The following FGF1 variants were observed in gnomAD, a reference collection of about 807,000 sequenced individuals.
FGF1 encodes beta-endothelial cell growth factor.
In FGF1, 9 loss-of-function variants were observed where a neutral mutation model predicts 13.4. That is an observed-to-expected ratio of 0.67 (90% CI 0.40 to 1.17). The LOEUF (loss-of-function observed/expected upper bound fraction) is 1.17. Among genes scored for constraint, FGF1 ranks in the 50% most tolerant of loss-of-function variants. The pLI, the probability that FGF1 is intolerant of heterozygous loss-of-function variation, is 0.01. For synonymous variants in FGF1, 93 were observed against 79.0 expected, an observed-to-expected ratio of 1.18 and a Z score of -0.94; for missense variants, 156 against 192.7, an observed-to-expected ratio of 0.81 and a Z score of 1.13.
At chr5:142,665,115 G>A (rs1359876151) in intron 1 of FGF1, among the ~76,000 whole-genome samples, 1 of 152,164 alleles carries the variant, frequency 6.6e-6, no homozygotes, top group Admixed American at 6.5e-5. Flanking sequence ...TGAAGTGGAG[G>A]ATTGCTTGAG....
intron 1 of FGF1, among the ~76,000 whole-genome samples, chr5:142,640,452 G>A (rs1008999088): frequency 3.3e-5 from 5 of 149,530 alleles, no homozygotes; most frequent in African/African-American, 9.9e-5. Flanking sequence ...TCTGAGAAGC[G>A]GCATTGGAGC....
chr5:142,696,553 T>C (rs1753142053), intron 2 of FGF1, among the ~76,000 whole-genome samples: 1 of 152,174 alleles, frequency 6.6e-6, no homozygotes, highest in Admixed American at 6.5e-5. Flanking sequence ...TAGTAGGATG[T>C]CAGCTGGGAG....
At chr5:142,648,689 CAAAAAAAA>C (rs11451715) in intron 1 of FGF1, among the ~76,000 whole-genome samples, 2 of 66,228 alleles carry the variant, frequency 3.0e-5, no homozygotes, top group East Asian at 1.1e-3. Context: ...CCCCACCAAC[CAAAAAAAA>C]AAAAAAAAAA....
intron 1 of FGF1, among the ~76,000 whole-genome samples, chr5:142,641,200 A>T (rs1341633965): frequency 6.6e-6 from 1 of 152,036 alleles, no homozygotes; most frequent in African/African-American, 2.4e-5. Context: ...AGATCGGGCA[A>T]TGAGGACTAA....
intron 1 of FGF1, among the ~76,000 whole-genome samples, chr5:142,615,716 C>T (rs971631654): frequency 1.3e-5 from 2 of 152,184 alleles, no homozygotes; most frequent in Non-Finnish European, 2.9e-5. Context: ...CCAAAGCTTA[C>T]AGATGTTCAG....
At chr5:142,686,776 C>T (rs1416029143), upstream of FGF1, among the ~76,000 whole-genome samples, 3 of 152,100 alleles carry the variant, frequency 2.0e-5, no homozygotes, top group Non-Finnish European at 2.9e-5. Context: ...TTGGGACTGG[C>T]GAGGGGCTGC....
chr5:142,643,786 T>C (rs921347702), intron 1 of FGF1, among the ~76,000 whole-genome samples: 1 of 152,256 alleles, frequency 6.6e-6, no homozygotes, highest in African/African-American at 2.4e-5. Context: ...TACATTTGCA[T>C]ACCAGCTCCA....
intron 1 of FGF1, among the ~76,000 whole-genome samples, chr5:142,651,145 C>T (rs1468745637): frequency 1.3e-5 from 2 of 151,952 alleles, no homozygotes; most frequent in South Asian, 2.1e-4. Flanking sequence ...CAGTGATAAC[C>T]CAGGGGCACC....
intron 1 of FGF1, among the ~76,000 whole-genome samples, chr5:142,639,235 C>T (rs1373613682): frequency 6.6e-6 from 1 of 152,000 alleles, no homozygotes; most frequent in African/African-American, 2.4e-5. Context: ...TGCATTGCTA[C>T]ATTATTCACA....
intron 1 of FGF1, among the ~76,000 whole-genome samples, chr5:142,639,225 T>C (rs1407478908): frequency 3.3e-5 from 5 of 152,026 alleles, no homozygotes. Context: ...CACTCCTGTG[T>C]GCATTGCTAC....
chr5:142,666,138 G>A (rs1770271619), intron 1 of FGF1, among the ~76,000 whole-genome samples: 1 of 81,306 alleles, frequency 1.2e-5, no homozygotes, highest in African/African-American at 4.6e-5. Context: ...AGACTTGATT[G>A]AACTTTACCC....
At chr5:142,646,032 C>T (rs1765995255) in intron 1 of FGF1, among the ~76,000 whole-genome samples, 1 of 152,092 alleles carries the variant, frequency 6.6e-6, no homozygotes, top group South Asian at 2.1e-4. Context: ...CCTCAGCTTC[C>T]CAAGTAGCTG....
intron 3 of FGF1, among the ~76,000 whole-genome samples, chr5:142,598,778 C>T (rs1236899052): frequency 6.6e-6 from 1 of 152,172 alleles, no homozygotes; most frequent in Non-Finnish European, 1.5e-5. Context: ...GATCATATTT[C>T]AGGTGAATTG....
chr5:142,629,172 G>C (rs1030163301), intron 1 of FGF1, among the ~76,000 whole-genome samples: 3 of 152,054 alleles, frequency 2.0e-5, no homozygotes, highest in Non-Finnish European at 4.4e-5. Flanking sequence ...ATTTTTCTGT[G>C]TGTAACAGGT....
At chr5:142,625,626 A>G (rs551015976) in intron 1 of FGF1, among the ~76,000 whole-genome samples, 27 of 152,248 alleles carry the variant, frequency 1.8e-4, no homozygotes, top group Non-Finnish European at 2.9e-4. Context: ...CATCCTGAAG[A>G]CCTGCACACA....
Position 142,692,269 on chromosome 5 carries a change from G to A in FGF1, c.-35+5353C>T, listed in dbSNP as rs377448300. Among the ~76,000 whole-genome samples the A allele has an allele frequency of 1.5e-4, 23 of 152,332 alleles. 1 individual carries two copies. In the East Asian group the frequency reaches 2.7e-3, roughly 18 times the overall value. On this transcript the variant is annotated intron_variant, in intron 2 of 4. Coordinates refer to the FGF1 transcript ENST00000407758. Reference sequence around the variant, plus strand: ...AGAGGATTGCTTGAGCCCAGAAGGCGCAGGTTGCAGTGAGCTGAGATCACG... The same window carrying A: ...AGAGGATTGCTTGAGCCCAGAAGGCACAGGTTGCAGTGAGCTGAGATCACG...
rs542364413 is a variant in FGF1 at position 142,643,304 on chromosome 5, C to T, written c.-34-29143G>A. 5.3e-5 allele frequency among the ~76,000 whole-genome samples: 8 copies of T among 152,292 alleles called. No individual in the cohort carries two copies. In the South Asian group the frequency reaches 8.3e-4, roughly 16 times the overall value. On this transcript the variant is annotated intron_variant, in intron 1 of 3. Transcript: ENST00000337706. ...AAAAAGAGACTACAAATTACACACA[C>T]ACACACACACACATACCCCAAAATA...
chr5:142,669,463 C>G (rs886275617), intron 1 of FGF1, among the ~76,000 whole-genome samples: 3 of 152,164 alleles, frequency 2.0e-5, no homozygotes. Context: ...AGATCCTAAA[C>G]TTGAGCCATG....
intron 1 of FGF1, among the ~76,000 whole-genome samples, chr5:142,641,601 CAT>C (rs1180280588): frequency 6.6e-6 from 1 of 151,962 alleles, no homozygotes; most frequent in African/African-American, 2.4e-5. Context: ...GTTGTAAAAA[CAT>C]ATTGTAATGA....
Sources: allele counts gnomAD v4.1 joint callset (sites outside exome capture counted in the v4.1 genomes callset), GRCh38; gene constraint gnomAD v4.1.1; transcripts MANE v1.5; gene names NCBI Gene and HGNC (gene_info 2026-07-23, HGNC 2026-07-21).